NT5C3A: variants seen among roughly 807,000 people sequenced by gnomAD.
The protein encoded by NT5C3A is cytosolic 5'-nucleotidase 3A.
NT5C3A carries 23 observed loss-of-function variants against 40.0 expected under a neutral mutation model. That is an observed-to-expected ratio of 0.58 (90% CI 0.41 to 0.81). The LOEUF (loss-of-function observed/expected upper bound fraction) is 0.81, where lower values mean the gene tolerates loss of function less well. Among genes scored for constraint, NT5C3A ranks in the 40% least tolerant of loss-of-function variants. The pLI is 0.00. For missense variants in NT5C3A, 328 were observed against 403.0 expected (o/e 0.81, Z 1.59); for synonymous variants, 130 against 141.4 (o/e 0.92, Z 0.57).
At chr7:33,046,970 C>CTTTTT (rs35818020) in intron 1 of NT5C3A, among the ~76,000 whole-genome samples, 1 of 136,998 alleles carries the variant, frequency 7.3e-6, no homozygotes. Flanking sequence ...CACCTGGCTT[C>CTTTTT]TTTTTTTTTT....
At chr7:33,040,326 T>C (rs1786851439) in intron 1 of NT5C3A, among the ~76,000 whole-genome samples, 1 of 152,222 alleles carries the variant, frequency 6.6e-6, no homozygotes, top group Admixed American at 6.5e-5. Flanking sequence ...TGAATCTTAA[T>C]TTTCAATATA....
intron 2 of NT5C3A, among the ~76,000 whole-genome samples, chr7:33,024,747 C>T (rs1228999409): frequency 1.3e-5 from 2 of 152,086 alleles, no homozygotes; most frequent in East Asian, 3.8e-4. Context: ...GGCAGATATC[C>T]TAATTACCCT....
intron 8 of NT5C3A, 112 bp downstream of exon 8, chr7:33,015,557 CA>C (rs368469311): frequency 5.1e-3 from 2,837 of 560,886 alleles, no homozygotes; most frequent in Middle Eastern, 8.1e-3. Flanking sequence ...AGGCTTGTCT[CA>C]AAAAAAAAAG....
At chr7:33,052,393 C>T (rs915093428) in intron 1 of NT5C3A, among the ~76,000 whole-genome samples, 22 of 132,018 alleles carry the variant, frequency 1.7e-4, no homozygotes, top group Non-Finnish European at 2.8e-4. Flanking sequence ...TGAGGCACCA[C>T]GAGTATCACT....
intron 1 of NT5C3A, among the ~76,000 whole-genome samples, chr7:33,055,880 G>A (rs571969370): frequency 1.3e-5 from 2 of 152,314 alleles, no homozygotes; most frequent in South Asian, 2.1e-4. Context: ...GAAGGCTGAG[G>A]TGGGAAGATT....
At chr7:33,018,042 T>C (rs1785437438) in intron 6 of NT5C3A, among the ~76,000 whole-genome samples, 1 of 152,066 alleles carries the variant, frequency 6.6e-6, no homozygotes, top group Non-Finnish European at 1.5e-5. Context: ...GAGAAAACAA[T>C]AGTTAAGCTA....
intron 6 of NT5C3A, among the ~76,000 whole-genome samples, chr7:33,019,042 T>C (rs1261847501): frequency 6.6e-6 from 1 of 151,786 alleles, no homozygotes; most frequent in Admixed American, 6.6e-5. Context: ...TCGCTTGAGC[T>C]CAAGAGTTCA....
chr7:33,048,234 G>A (rs1475885541), intron 1 of NT5C3A, among the ~76,000 whole-genome samples: 1 of 151,302 alleles, frequency 6.6e-6, no homozygotes, highest in Non-Finnish European at 1.5e-5. Context: ...TAGTAGAGAT[G>A]AGGTCCCCTT....
At chr7:33,053,970 G>C in intron 1 of NT5C3A, among the ~76,000 whole-genome samples, 1 of 152,136 alleles carries the variant, frequency 6.6e-6, no homozygotes. Flanking sequence ...AACATGATTT[G>C]AAAGGACAAA....
chr7:33,021,191 T>C (rs1785606401), intron 5 of NT5C3A, 81 bp downstream of exon 5: 1 of 1,580,852 alleles, frequency 6.3e-7, no homozygotes, highest in Non-Finnish European at 8.6e-7. Context: ...GCAATACAGG[T>C]AAAAAATAAG....
At chr7:33,055,812 C>T (rs1445015828) in intron 1 of NT5C3A, among the ~76,000 whole-genome samples, 1 of 152,154 alleles carries the variant, frequency 6.6e-6, no homozygotes, top group Non-Finnish European at 1.5e-5. Context: ...TCAAGTGCAA[C>T]TAATTTTTAA....
At chr7:33,046,867 A>T (rs1182820120) in intron 1 of NT5C3A, among the ~76,000 whole-genome samples, 4 of 150,552 alleles carry the variant, frequency 2.7e-5, no homozygotes, top group African/African-American at 9.8e-5. Context: ...GCAGTGGTGC[A>T]ATCTTGGCTC....
Position 33,015,900 on chromosome 7 carries a change from C to A in NT5C3A, c.694-30G>T, listed in dbSNP as rs1314464337. 5.6e-6 allele frequency: 8 copies of A among 1,438,646 alleles called. No homozygotes were observed. The African/African-American group carries it at 7.0e-5, about 13-fold the overall frequency. 89.1% of individuals were successfully genotyped at this position (1,438,646 alleles called of 1,614,324 possible). Reference sequence around the variant, plus strand: ...GAAAAATATAAATCTTTTGAACAGGCTTTAAAAATTCTATTTGTTGGATTT... The same window carrying A: ...GAAAAATATAAATCTTTTGAACAGGATTTAAAAATTCTATTTGTTGGATTT... On this transcript the variant is annotated intron_variant, in intron 7 of 8. Transcript: ENST00000610140.
intron 1 of NT5C3A, among the ~76,000 whole-genome samples, chr7:33,055,315 G>A (rs1787527075): frequency 6.6e-6 from 1 of 150,634 alleles, no homozygotes; most frequent in African/African-American, 2.4e-5. Flanking sequence ...GAGACTTGGT[G>A]TCGGAAAAAA....
chr7:33,062,667 C>T lies in NT5C3A; in HGVS notation c.39G>A (p.Ala13=). The part of the protein sequence containing the change: ...RAAVARVGAV[A]SASVCALVAG... ...CCACCAGGGCGCACACGCTGGCGCT[C>T]GCTACCGCGCCCACCCTCGCCACGG... Residue 13 remains alanine (A), a synonymous_variant, in exon 1 of 9, where the codon GCG becomes GCA. Transcript: ENST00000610140. 3 of 1,583,804 alleles carry T rather than the reference C, an allele frequency of 1.9e-6. No individual in the cohort carries two copies. Among genetic ancestry groups the T allele is most frequent in the Non-Finnish European group, 2.6e-6 (3 of 1,166,086 alleles).
At chr7:33,015,173 C>G (rs1048790309) in intron 8 of NT5C3A, among the ~76,000 whole-genome samples, 1 of 152,082 alleles carries the variant, frequency 6.6e-6, no homozygotes, top group Non-Finnish European at 1.5e-5. Context: ...ACAGAGGCCT[C>G]CTACAGAATA....
intron 1 of NT5C3A, chr7:33,045,830 T>C (rs1249372901): frequency 6.6e-6 from 1 of 152,076 alleles, no homozygotes; most frequent in Non-Finnish European, 1.5e-5. Flanking sequence ...GCCCAGGCTG[T>C]AGTACGGTGG....
At chr7:33,047,332 T>C (rs1787195202) in intron 1 of NT5C3A, among the ~76,000 whole-genome samples, 2 of 152,228 alleles carry the variant, frequency 1.3e-5, no homozygotes, top group African/African-American at 2.4e-5. Flanking sequence ...TTTAACTTAC[T>C]ACCCTTCCTT....
intron 1 of NT5C3A, among the ~76,000 whole-genome samples, chr7:33,044,990 A>T (rs748438401): frequency 1.2e-4 from 19 of 152,110 alleles, no homozygotes; most frequent in Non-Finnish European, 2.5e-4. Flanking sequence ...AAGTATTTTT[A>T]CTTCTCAACA....
Sources: allele counts gnomAD v4.1 joint callset (sites outside exome capture counted in the v4.1 genomes callset), GRCh38; gene constraint gnomAD v4.1.1; transcripts MANE v1.5; gene names NCBI Gene and HGNC (gene_info 2026-07-23, HGNC 2026-07-21).